The following ABR variants were observed in gnomAD, a reference collection of about 807,000 sequenced individuals.
ABR encodes the protein ABR activator of RhoGEF and GTPase.
ABR carries 35 observed loss-of-function variants against 107.2 expected under a neutral mutation model. The ratio of observed to expected loss-of-function variants is 0.33; its 90% CI spans 0.25 to 0.43. The LOEUF (loss-of-function observed/expected upper bound fraction) is 0.43. Ranked by LOEUF, ABR falls within the 20% of genes least tolerant of loss-of-function variation. The pLI, the probability that ABR is intolerant of heterozygous loss-of-function variation, is 1.00. For missense variants in ABR, 815 were observed against 1,115.2 expected (o/e 0.73, Z 3.83); for synonymous variants, 498 against 462.0 (o/e 1.08, Z -1.00).
intron 1 of ABR, among the ~76,000 whole-genome samples, chr17:1,203,446 C>CGGGGGCGGAGTCTGCG (rs1555620307): frequency 1.2e-4 from 2 of 16,922 alleles, no homozygotes; most frequent in South Asian, 1.9e-3. Flanking sequence ...ACGGAGTCTG[C>CGGGGGCGGAGTCTGCG]GGGGGCGGGG....
At chr17:1,055,964 G>T in intron 14 of ABR, 71 bp downstream of exon 14, 2 of 1,438,198 alleles carry the variant, frequency 1.4e-6, no homozygotes, top group Non-Finnish European at 2.0e-6. Flanking sequence ...TGCTGGCAGG[G>T]CCCCATCCTG....
In ABR at chr17:1,048,903, G is replaced by A. The variant is rs138184613; in HGVS notation, c.1791+1147C>T. Among the ~76,000 whole-genome samples the A allele has an allele frequency of 3.4e-4, 52 of 152,124 alleles. 1 individual carries two copies. Among genetic ancestry groups the A allele is most frequent in the African/African-American group, 1.2e-3 (48 of 41,406 alleles). On this transcript the variant is annotated intron_variant, in intron 16 of 22. Transcript: ENST00000302538. ...TCAACCTCAGTACGGGTCAGTTACC[G>A]TCTCCCTTCATTTCATGGTCACAGA...
At chr17:1,203,622 C>T (rs910367729) in intron 1 of ABR, among the ~76,000 whole-genome samples, 3 of 144,488 alleles carry the variant, frequency 2.1e-5, no homozygotes, top group Non-Finnish European at 4.4e-5. Context: ...CCGCCCGCCG[C>T]CGCTGCGAGG....
intron 22 of ABR, among the ~76,000 whole-genome samples, chr17:1,006,416 C>G (rs1408885787): frequency 6.6e-6 from 1 of 152,186 alleles, no homozygotes; most frequent in Non-Finnish European, 1.5e-5. Flanking sequence ...CACAGTCCGG[C>G]CCCTGCTCTG....
chr17:1,167,174 G>A (rs1181389689), intron 1 of ABR, among the ~76,000 whole-genome samples: 1 of 150,358 alleles, frequency 6.7e-6, no homozygotes, highest in Admixed American at 6.6e-5. Context: ...GGAGAGAGAG[G>A]CCACCAGTTG....
chr17:1,203,717 G>T (rs2042732247), intron 1 of ABR, among the ~76,000 whole-genome samples: 1 of 152,182 alleles, frequency 6.6e-6, no homozygotes, highest in Admixed American at 6.5e-5. Context: ...TCGTGTCCGT[G>T]ACTCGCGCAG....
Position 1,136,520 on chromosome 17 carries a change from C to G in ABR, c.62-11153G>C, listed in dbSNP as rs536240151. ...CTGGGATTACAGGCGTGAGCCACCG[C>G]GCCTGGCCAAAAATCTGATGTTTAG... is the stretch of plus-strand genomic sequence containing the variant. On this transcript the variant is annotated intron_variant, in intron 1 of 22. Coordinates refer to ENST00000302538, the MANE Select transcript of ABR (RefSeq NM_021962.5). 5.1e-4 allele frequency among the ~76,000 whole-genome samples: 78 copies of G among 152,280 alleles called. No homozygotes were observed. The South Asian group carries it at 0.016, about 31-fold the overall frequency.
Position 1,100,826 on chromosome 17 carries a change from C to A in ABR, c.247-91G>T, listed in dbSNP as rs552971089. ...CTGCTTCCCTGCCCTTCCCCCCCGA[C>A]CTTTATTTTTTTTTTGAGACGAAGT... On this transcript the variant is annotated intron_variant, in intron 2 of 22. Coordinates refer to ENST00000302538, the MANE Select transcript of ABR (RefSeq NM_021962.5). 157 of 1,262,088 alleles carry A rather than the reference C, an allele frequency of 1.2e-4. 2 individuals carry two copies. Among genetic ancestry groups the A allele is most frequent in the Middle Eastern group, 1.1e-3 (6 of 5,256 alleles). The allele number at this position is 1,262,088 out of a possible 1,614,324, so 78.2% of individuals were successfully genotyped here.
At chr17:1,185,333 T>C (rs1055619890) in intron 1 of ABR, among the ~76,000 whole-genome samples, 4 of 152,124 alleles carry the variant, frequency 2.6e-5, no homozygotes, top group Admixed American at 1.3e-4. Flanking sequence ...CCAGCCTCAG[T>C]GTTCACATCT....
chr17:1,025,908 C>G (rs1179899138), intron 16 of ABR, among the ~76,000 whole-genome samples: 1 of 152,144 alleles, frequency 6.6e-6, no homozygotes, highest in East Asian at 1.9e-4. Context: ...GCCAGAGGAA[C>G]CAACTGGGGC....
chr17:1,159,279 C>A (rs554649338), intron 1 of ABR, among the ~76,000 whole-genome samples: 48 of 61,876 alleles, frequency 7.8e-4, no homozygotes, highest in African/African-American at 1.8e-3. Context: ...TACTCACACA[C>A]GGGAGAGGTA....
At chr17:1,102,493 A>G (rs920780094) in intron 2 of ABR, among the ~76,000 whole-genome samples, 1 of 152,248 alleles carries the variant, frequency 6.6e-6, no homozygotes. Context: ...CACTGGAAGA[A>G]GACGACTGTC....
At chr17:1,079,697 G>C (rs1334469762) in intron 5 of ABR, among the ~76,000 whole-genome samples, 1 of 150,178 alleles carries the variant, frequency 6.7e-6, no homozygotes, top group African/African-American at 2.5e-5. Context: ...GCTGGGGCAG[G>C]AGAATCGCTT....
chr17:1,012,278 G>A (rs1487478265), intron 18 of ABR: 1 of 646,136 alleles, frequency 1.5e-6, no homozygotes, highest in Non-Finnish European at 2.9e-6. Context: ...GCTTGTAGGA[G>A]GCCCAGCAGG....
chr17:1,060,804 A>G (rs1301336056), intron 10 of ABR, among the ~76,000 whole-genome samples: 1 of 152,058 alleles, frequency 6.6e-6, no homozygotes. Context: ...CAGCCTGGCT[A>G]ACACGGTGAA....
At position 1,004,442 on chromosome 17, in the gene ABR, A is replaced by G. The variant is rs1337092914; in HGVS notation, c.*1638T>C. The G allele has an allele frequency of 6.6e-6, 1 of 152,600 alleles. No homozygotes were observed. Among genetic ancestry groups the G allele is most frequent in the Admixed American group, 6.5e-5 (1 of 15,294 alleles). 9.5% of individuals were successfully genotyped at this position (152,600 alleles called of 1,614,324 possible). On this transcript the variant is annotated 3_prime_UTR_variant, in exon 23 of 23. Transcript: ENST00000302538. ...AACCCTTCTTTAAGACTCAGCCCTG[A>G]GCACAAGCAATGGGAACTGAGCTCC...
chr17:1,016,853 A>T (rs1030109796), intron 16 of ABR, among the ~76,000 whole-genome samples: 2 of 152,078 alleles, frequency 1.3e-5, no homozygotes, highest in Admixed American at 6.5e-5. Flanking sequence ...GTGCACTCTG[A>T]GGTGTGCGTG....
rs575840181 is a variant in ABR at position 1,034,128 on chromosome 17, G to A, written c.1791+15922C>T. 2.1e-3 allele frequency among the ~76,000 whole-genome samples: 313 copies of A among 151,918 alleles called. 1 individual carries two copies. The highest frequency in any genetic ancestry group is 7.2e-3 in the African/African-American group (298 of 41,440). On this transcript the variant is annotated intron_variant, in intron 16 of 22. Transcript: ENST00000302538. Reference sequence around the variant, plus strand: ...TGGGACTACACACACCCACCACCACGCCCGGCTAATTTTTGTATTTTTCGC... The same window carrying A: ...TGGGACTACACACACCCACCACCACACCCGGCTAATTTTTGTATTTTTCGC...
intron 16 of ABR, among the ~76,000 whole-genome samples, chr17:1,048,257 G>C (rs1013888609): frequency 6.6e-6 from 1 of 152,250 alleles, no homozygotes; most frequent in South Asian, 2.1e-4. Flanking sequence ...AGACCCCACA[G>C]CATCGGAAAG....
Sources: gnomAD v4.1 joint callset for allele counts (sites outside exome capture counted in the v4.1 genomes callset) on GRCh38, gnomAD v4.1.1 for gene constraint, MANE v1.5 for transcripts, NCBI Gene and HGNC (gene_info 2026-07-23, HGNC 2026-07-21) for gene names.